The following PIBF1 variants were observed in gnomAD, a reference collection of about 807,000 sequenced individuals.
PIBF1 encodes the protein progesterone immunomodulatory binding factor 1, also known as progesterone-induced-blocking factor 1.
In PIBF1, 90 loss-of-function variants were observed where a neutral mutation model predicts 112.5. The observed-to-expected ratio is 0.80, with a 90% CI of 0.67 to 0.95. The LOEUF is 0.95. Ranked by LOEUF, PIBF1 falls within the 40% of genes least tolerant of loss-of-function variation. PIBF1 has a pLI of 0.00. For missense variants in PIBF1, 915 were observed against 852.3 expected (o/e 1.07, Z -0.92); for synonymous variants, 301 against 288.6 (o/e 1.04, Z -0.44).
At chr13:72,968,579 G>T (rs1204096929) in intron 15 of PIBF1, among the ~76,000 whole-genome samples, 1 of 151,976 alleles carries the variant, frequency 6.6e-6, no homozygotes, top group Non-Finnish European at 1.5e-5. Context: ...GGGATTACAG[G>T]CATGAGCCAC....
chr13:72,976,562 A>C (rs1184079129), intron 16 of PIBF1, among the ~76,000 whole-genome samples: 1 of 152,368 alleles, frequency 6.6e-6, no homozygotes, highest in East Asian at 1.9e-4. Context: ...AAACATCTAA[A>C]GAAAAGCAAC....
At chr13:72,943,842 T>C (rs1041425535) in intron 14 of PIBF1, among the ~76,000 whole-genome samples, 2 of 152,266 alleles carry the variant, frequency 1.3e-5, no homozygotes, top group Non-Finnish European at 2.9e-5. Context: ...AGACTGGTTA[T>C]ATGACTTTAG....
chr13:72,971,179 A>AGAGT (rs1481755978), intron 15 of PIBF1, among the ~76,000 whole-genome samples: 12 of 126,118 alleles, frequency 9.5e-5, no homozygotes, highest in Middle Eastern at 8.5e-3. Flanking sequence ...TTTGAAACAG[A>AGAGT]GAGTGAGTGT....
At chr13:72,904,429 A>ATTTTTTTTTTTTTTTTTT (rs1240090172) in intron 11 of PIBF1, among the ~76,000 whole-genome samples, 6 of 51,124 alleles carry the variant, frequency 1.2e-4, no homozygotes, top group Non-Finnish European at 1.8e-4. Context: ...ATATCAAAAT[A>ATTTTTTTTTTTTTTTTTT]TTTCTTTTTT....
chr13:72,809,578 GTTTTTTTTTGGT>G (rs370189251), intron 5 of PIBF1, among the ~76,000 whole-genome samples: 14,729 of 138,110 alleles, frequency 0.11, 842 homozygotes, highest in Non-Finnish European at 0.16. Context: ...TTAATAGAAG[GTTTTTTTTTGGT>G]TTTTTTTTTT....
intron 5 of PIBF1, among the ~76,000 whole-genome samples, chr13:72,803,682 G>GT (rs2035593930): frequency 6.6e-6 from 1 of 152,098 alleles, no homozygotes; most frequent in African/African-American, 2.4e-5. Context: ...AAAAAGTTGA[G>GT]TTTCGATTTA....
At chr13:72,823,299 A>G (rs1038915449) in intron 6 of PIBF1, among the ~76,000 whole-genome samples, 3 of 152,180 alleles carry the variant, frequency 2.0e-5, no homozygotes, top group Admixed American at 1.3e-4. Context: ...TCATGAGTTG[A>G]TAATTACTGA....
intron 16 of PIBF1, among the ~76,000 whole-genome samples, chr13:72,996,091 G>GA (rs1464046178): frequency 8.3e-6 from 1 of 120,156 alleles, no homozygotes; most frequent in South Asian, 3.4e-4. Flanking sequence ...AAAAAGCGGG[G>GA]GGGGGGGGTC....
At chr13:72,883,751 C>G (rs1211156543) in intron 10 of PIBF1, among the ~76,000 whole-genome samples, 1 of 152,156 alleles carries the variant, frequency 6.6e-6, no homozygotes. Flanking sequence ...GCCTCCCAAA[C>G]TTCTGGAATT....
chr13:72,946,548 G>A (rs2042153112), intron 14 of PIBF1, among the ~76,000 whole-genome samples: 1 of 152,008 alleles, frequency 6.6e-6, no homozygotes, highest in Admixed American at 6.6e-5. Context: ...AAAGTCCAAG[G>A]CCAAAGTCTT....
intron 16 of PIBF1, among the ~76,000 whole-genome samples, chr13:72,997,934 T>TG (rs1177194997): frequency 6.6e-6 from 1 of 152,146 alleles, no homozygotes; most frequent in Non-Finnish European, 1.5e-5. Context: ...CAAATACACT[T>TG]GGGAGCAAGA....
intron 6 of PIBF1, among the ~76,000 whole-genome samples, chr13:72,825,431 A>G (rs986495869): frequency 6.6e-6 from 1 of 152,210 alleles, no homozygotes; most frequent in African/African-American, 2.4e-5. Context: ...ACACATATAG[A>G]TACATGACCC....
At chr13:72,962,289 A>G (rs187128893) in intron 14 of PIBF1, among the ~76,000 whole-genome samples, 5 of 152,256 alleles carry the variant, frequency 3.3e-5, no homozygotes, top group Non-Finnish European at 7.4e-5. Context: ...AATTAAGAAA[A>G]CAATTCCATG....
chr13:72,790,649 G>T (rs2034876936), intron 2 of PIBF1, among the ~76,000 whole-genome samples: 1 of 152,054 alleles, frequency 6.6e-6, no homozygotes, highest in Admixed American at 6.5e-5. Context: ...TAAGTCAAAG[G>T]GGTAGTCCAG....
chr13:72,965,514 G>A (rs1001774803), intron 15 of PIBF1, 110 bp downstream of exon 15: 6 of 829,030 alleles, frequency 7.2e-6, no homozygotes, highest in Non-Finnish European at 1.1e-5. Context: ...AATAATGAAG[G>A]TGTCTTAAAT....
rs183991391 is a variant in PIBF1 at position 72,997,057 on chromosome 13, T to G, written c.2050-1765T>G. ...GTGATCTTAGGATAAAGCAAAGATGTGAATTTCCCTTCTAATCTCCTGACC... is the reference window on the plus strand; with the variant it reads ...GTGATCTTAGGATAAAGCAAAGATGGGAATTTCCCTTCTAATCTCCTGACC... On this transcript the variant is annotated intron_variant, in intron 16 of 17. Transcript: ENST00000326291. Among the ~76,000 whole-genome samples the G allele has an allele frequency of 3.5e-4, 54 of 152,292 alleles. 1 individual carries two copies. In the East Asian group the frequency reaches 9.3e-3, roughly 26 times the overall value.
At chr13:72,967,320 T>A (rs1409701862) in intron 15 of PIBF1, among the ~76,000 whole-genome samples, 1 of 152,236 alleles carries the variant, frequency 6.6e-6, no homozygotes, top group East Asian at 1.9e-4. Flanking sequence ...AAAAAATTAC[T>A]CCTTTCACAG....
intron 11 of PIBF1, among the ~76,000 whole-genome samples, chr13:72,907,881 A>G (rs527794014): frequency 2.7e-4 from 41 of 152,132 alleles, no homozygotes; most frequent in African/African-American, 8.9e-4. Flanking sequence ...GTTTCCTTCA[A>G]TGAATTACCA....
At chr13:72,825,007 A>G (rs891800022) in intron 6 of PIBF1, among the ~76,000 whole-genome samples, 3 of 152,212 alleles carry the variant, frequency 2.0e-5, no homozygotes, top group African/African-American at 4.8e-5. Context: ...GGAGCATTCT[A>G]TGATGCAGCT....
Sources: allele counts gnomAD v4.1 joint callset (sites outside exome capture counted in the v4.1 genomes callset), GRCh38; gene constraint gnomAD v4.1.1; transcripts MANE v1.5; gene names NCBI Gene and HGNC (gene_info 2026-07-23, HGNC 2026-07-21).